Variants in ACOXL observed in about 807,000 individuals in gnomAD.
ACOXL encodes the protein acyl-CoA oxidase like.
ACOXL carries 70 observed loss-of-function variants against 71.9 expected under a neutral mutation model. That is an observed-to-expected ratio of 0.97 (90% CI 0.80 to 1.19). The LOEUF (loss-of-function observed/expected upper bound fraction) is 1.19, where lower values mean the gene tolerates loss of function less well. Among genes scored for constraint, ACOXL ranks in the 50% most tolerant of loss-of-function variants. The pLI is 0.00. For missense variants in ACOXL, 703 were observed against 736.3 expected, an observed-to-expected ratio of 0.95 and a Z score of 0.52; for synonymous variants, 253 against 281.6, an observed-to-expected ratio of 0.90 and a Z score of 1.02.
At chr2:110,768,271 G>C (rs1311389340) in intron 1 of ACOXL, 97 bp from the exon 2 acceptor site, 14 of 905,548 alleles carry the variant, frequency 1.5e-5, no homozygotes, top group Admixed American at 1.9e-5. Flanking sequence ...CATTACAATG[G>C]ACACAGCTTT....
At chr2:110,925,073 C>T (rs1420784933) in intron 11 of ACOXL, among the ~76,000 whole-genome samples, 2 of 152,154 alleles carry the variant, frequency 1.3e-5, no homozygotes, top group African/African-American at 4.8e-5. Context: ...ATTCTTATTT[C>T]TGAGCATTAG....
At chr2:111,075,188 G>T (rs2067538916) in intron 16 of ACOXL, among the ~76,000 whole-genome samples, 1 of 151,934 alleles carries the variant, frequency 6.6e-6, no homozygotes, top group Admixed American at 6.6e-5. Flanking sequence ...TAAATATTGG[G>T]TAGAATTCAC....
At chr2:111,090,182 C>T (rs2068445186) in intron 16 of ACOXL, among the ~76,000 whole-genome samples, 2 of 152,138 alleles carry the variant, frequency 1.3e-5, no homozygotes, top group South Asian at 2.1e-4. Flanking sequence ...GTGTCAGCTC[C>T]TTTACCAGAC....
At chr2:110,845,176 G>C (rs557206704) in intron 10 of ACOXL, among the ~76,000 whole-genome samples, 1 of 152,320 alleles carries the variant, frequency 6.6e-6, no homozygotes, top group Non-Finnish European at 1.5e-5. Context: ...AGGTTCAGTT[G>C]TCTGGTGAGG....
intron 12 of ACOXL, among the ~76,000 whole-genome samples, chr2:110,965,177 G>C (rs1411838745): frequency 6.6e-6 from 1 of 152,116 alleles, no homozygotes; most frequent in East Asian, 1.9e-4. Flanking sequence ...TGGCCAAATA[G>C]TATTCCATTA....
intron 1 of ACOXL, among the ~76,000 whole-genome samples, chr2:110,758,236 G>C (rs141557398): frequency 0.033 from 5,019 of 152,108 alleles, 123 homozygotes; most frequent in African/African-American, 0.067. Context: ...TCTTTGTTCT[G>C]TTCCATTGGT....
chr2:110,875,153 G>A (rs1040637655), intron 10 of ACOXL, among the ~76,000 whole-genome samples: 8 of 152,272 alleles, frequency 5.3e-5, no homozygotes, highest in East Asian at 1.9e-4. Context: ...GACTTCCCAC[G>A]TGCCTACCTA....
chr2:110,860,907 G>T (rs904498269), intron 10 of ACOXL, among the ~76,000 whole-genome samples: 2 of 152,226 alleles, frequency 1.3e-5, no homozygotes, highest in African/African-American at 4.8e-5. Flanking sequence ...ACAGATCGGA[G>T]TCCTGCTGGA....
rs186949911 is a variant in ACOXL, at chr2:110,982,461, G to A, written c.1060-4647G>A. Among the ~76,000 whole-genome samples, 3 of 148,688 alleles carry A rather than the reference G, an allele frequency of 2.0e-5. No homozygotes were observed. In the Admixed American group the frequency reaches 2.0e-4, roughly 10 times the overall value. ...TTCTTCTGTCATCCCTTCCATCTCT[G>A]CCTATTTCTTCTAGCCAGGGAATTT... On this transcript the variant is annotated intron_variant, in intron 12 of 17. Coordinates refer to ENST00000439055, the MANE Select transcript of ACOXL (RefSeq NM_001142807.4).
chr2:110,800,511 AT>A (rs113596812), intron 7 of ACOXL, among the ~76,000 whole-genome samples: 256 of 146,134 alleles, frequency 1.8e-3, no homozygotes, highest in African/African-American at 1.6e-3. Flanking sequence ...TGATACATGA[AT>A]TTTTTTTTTT....
chr2:111,116,637 A>G (rs1356499565), intron 17 of ACOXL, among the ~76,000 whole-genome samples: 2 of 152,190 alleles, frequency 1.3e-5, no homozygotes, highest in Admixed American at 1.3e-4. Context: ...ACCTGTAAAA[A>G]TAAACCATGA....
chr2:110,744,679 C>T (rs1020646288), intron 1 of ACOXL, among the ~76,000 whole-genome samples: 4 of 152,176 alleles, frequency 2.6e-5, no homozygotes, highest in African/African-American at 4.8e-5. Context: ...GCATAGCCAC[C>T]GTCTGGCCAC....
At chr2:111,049,390 T>G (rs187209628) in intron 16 of ACOXL, 102 bp downstream of exon 16, 6 of 898,258 alleles carry the variant, frequency 6.7e-6, no homozygotes, top group Middle Eastern at 3.3e-4. Flanking sequence ...TTATCATGTC[T>G]GAATCGTGTG....
chr2:110,765,915 G>A (rs1018099075), intron 1 of ACOXL, among the ~76,000 whole-genome samples: 3 of 152,104 alleles, frequency 2.0e-5, no homozygotes, highest in African/African-American at 7.2e-5. Context: ...TTTCATCTAT[G>A]CTGTATTCTT....
At chr2:111,052,719 C>T (rs1334453431) in intron 16 of ACOXL, among the ~76,000 whole-genome samples, 1 of 152,112 alleles carries the variant, frequency 6.6e-6, no homozygotes, top group African/African-American at 2.4e-5. Flanking sequence ...TCTCTTTGGT[C>T]CCTCTCGGTC....
chr2:110,943,203 A>G (rs537467445), intron 12 of ACOXL, among the ~76,000 whole-genome samples: 4 of 149,920 alleles, frequency 2.7e-5, no homozygotes, highest in Admixed American at 1.3e-4. Flanking sequence ...GGAAAGAGAA[A>G]GGAAAGGAAG....
At chr2:110,910,038 T>C (rs1025108747) in intron 11 of ACOXL, among the ~76,000 whole-genome samples, 4 of 152,012 alleles carry the variant, frequency 2.6e-5, no homozygotes, top group African/African-American at 9.7e-5. Flanking sequence ...TTTAGTGGAG[T>C]GAGTTTTGAC....
intron 10 of ACOXL, among the ~76,000 whole-genome samples, chr2:110,849,561 C>T (rs1209680894): frequency 6.6e-6 from 1 of 152,192 alleles, no homozygotes; most frequent in Non-Finnish European, 1.5e-5. Flanking sequence ...AGTTCGAGAC[C>T]AGCCTGGCCA....
chr2:110,818,463 A>G (rs1294433492), intron 9 of ACOXL, among the ~76,000 whole-genome samples: 1 of 146,334 alleles, frequency 6.8e-6, no homozygotes, highest in African/African-American at 2.5e-5. Context: ...ATATATATAT[A>G]TATGTATATG....
Sources: gnomAD v4.1 joint callset for allele counts (sites outside exome capture counted in the v4.1 genomes callset) on GRCh38, gnomAD v4.1.1 for gene constraint, MANE v1.5 for transcripts, NCBI Gene and HGNC (gene_info 2026-07-23, HGNC 2026-07-21) for gene names.